Variants in ARHGEF10L observed in about 807,000 individuals in gnomAD.
ARHGEF10L encodes rho guanine nucleotide exchange factor 10-like protein.
Under a neutral mutation model 141.2 loss-of-function variants are expected in ARHGEF10L, and 69 were observed. The observed-to-expected ratio is 0.49, with a 90% CI of 0.40 to 0.60. The LOEUF (loss-of-function observed/expected upper bound fraction) is 0.60, where lower values mean the gene tolerates loss of function less well. Among genes scored for constraint, ARHGEF10L ranks in the 20% least tolerant of loss-of-function variants. The probability of loss-of-function intolerance (pLI) is 0.00; values close to 1 mark genes in which losing one functional copy is unlikely to be tolerated. For synonymous variants in ARHGEF10L, 711 were observed against 718.5 expected (o/e 0.99, Z 0.17); for missense variants, 1,482 against 1,734.3 (o/e 0.85, Z 2.58).
the ARHGEF10L span, among the ~76,000 whole-genome samples, chr1:17,521,448 G>A: frequency 1.6e-4 from 25 of 152,232 alleles, no homozygotes; most frequent in African/African-American, 5.5e-4. Context: ...TGCCCGCCTC[G>A]GCCTCCCAAA....
chr1:17,574,405 G>GTTTA (rs1458083800), intron 1 of ARHGEF10L, among the ~76,000 whole-genome samples: 1 of 152,224 alleles, frequency 6.6e-6, no homozygotes, highest in East Asian at 1.9e-4. Context: ...CTTGGACTTA[G>GTTTA]TTTAGCAGTC....
intron 26 of ARHGEF10L, among the ~76,000 whole-genome samples, chr1:17,670,366 T>C (rs2063245668): frequency 6.6e-6 from 1 of 152,240 alleles, no homozygotes; most frequent in Non-Finnish European, 1.5e-5. Context: ...TGTTAAATAA[T>C]AATGTCGCTC....
At chr1:17,606,460 GT>G (rs1348384549) in intron 6 of ARHGEF10L, among the ~76,000 whole-genome samples, 2 of 151,624 alleles carry the variant, frequency 1.3e-5, no homozygotes, top group Non-Finnish European at 2.9e-5. Context: ...CACCCGGCTA[GT>G]TTTTGTATTT....
chr1:17,687,731 C>G lies in ARHGEF10L; in HGVS notation c.3168C>G (p.Thr1056=), dbSNP rs758019258. ...AAGAGATCAACATCGCCACCAGGAC[C>G]ACCTTCCTCCTGCCAGGTGAGGCTG... The part of the protein sequence containing the change: ...HLQEINIATR[T]TFLLPGQKHL... The change falls in exon 27 of 29, where the codon ACC becomes ACG. Residue 1056 remains threonine (T), a synonymous_variant. Coordinates refer to ENST00000361221, the MANE Select transcript of ARHGEF10L (RefSeq NM_018125.4). 4 of 1,584,702 alleles carry G rather than the reference C, an allele frequency of 2.5e-6. No homozygotes were observed. The highest frequency in any genetic ancestry group is 1.3e-5 in the African/African-American group (1 of 74,154).
chr1:17,554,520 A>G lies in ARHGEF10L; in HGVS notation c.-44+14570A>G, dbSNP rs532147190. 5.9e-5 allele frequency among the ~76,000 whole-genome samples: 9 copies of G among 151,710 alleles called. No homozygotes were observed. In the East Asian group the frequency reaches 1.8e-3, roughly 30 times the overall value. ...CACAGCCCATGATGCCAGACCCAGC[A>G]ATAGAAGGGGATTTTGGGAGGCTGA... On this transcript the variant is annotated intron_variant, in intron 1 of 28. Coordinates refer to ENST00000361221, the MANE Select transcript of ARHGEF10L (RefSeq NM_018125.4).
chr1:17,600,904 G>T (rs2080587218), intron 4 of ARHGEF10L, among the ~76,000 whole-genome samples: 1 of 151,994 alleles, frequency 6.6e-6, no homozygotes, highest in Non-Finnish European at 1.5e-5. Context: ...GCAAAAATTA[G>T]CTGGGTGTGG....
At chr1:17,634,645 G>T (rs1232207046) in intron 17 of ARHGEF10L, 83 bp downstream of exon 17, 1 of 1,561,092 alleles carries the variant, frequency 6.4e-7, no homozygotes, top group Non-Finnish European at 8.7e-7. Context: ...TATGGGGCTG[G>T]GGCCTGGGCG....
rs918209562 is a variant in ARHGEF10L at position 17,697,597 on chromosome 1, A to G, written c.*217A>G. On this transcript the variant is annotated 3_prime_UTR_variant, in exon 29 of 29. Coordinates refer to ENST00000361221, the MANE Select transcript of ARHGEF10L (RefSeq NM_018125.4). The surrounding 1 kb of genome is among the most constrained non-coding windows in gnomAD (Gnocchi z 4.8). ...TTGGGGAGAGGGAGGACACATCTGG[A>G]GGAAATGGCCTTCTTTTTAAAAGCA... 2 of 689,076 alleles carry G rather than the reference A, an allele frequency of 2.9e-6. No homozygotes were observed. Among genetic ancestry groups the G allele is most frequent in the African/African-American group, 3.5e-5 (2 of 56,588 alleles). The allele number at this position is 689,076 out of a possible 1,614,324, so 42.7% of individuals were successfully genotyped here. A position where few individuals can be genotyped will look rare whatever the true frequency, so the allele number is the denominator to read the frequency against.
At chr1:17,525,401 C>T in the ARHGEF10L span, among the ~76,000 whole-genome samples, 2 of 152,192 alleles carry the variant, frequency 1.3e-5, no homozygotes, top group South Asian at 4.1e-4. Flanking sequence ...GCTGCCTCTG[C>T]TCCCCACGCC....
chr1:17,656,062 A>T lies in ARHGEF10L; in HGVS notation c.2665A>T (p.Thr889Ser), dbSNP rs1052155804. The T allele has an allele frequency of 1.3e-6, 2 of 1,563,572 alleles. No homozygotes were observed. The highest frequency in any genetic ancestry group is 1.9e-5 in the Admixed American group (1 of 52,952). Residue 889 changes from threonine (T) to serine (S), a missense_variant, in exon 24 of 29, where the codon ACG becomes TCG. Thr to Ser is a moderately conservative substitution (Grantham distance 58, BLOSUM62 1). Transcript: ENST00000361221. The surrounding 1 kb of genome is among the most constrained non-coding windows in gnomAD (Gnocchi z 4.9). ...CCCGACAGTTGCTGACCCCTCGGCCACGGTGCATCCAACCATCTGCCTCGG... is the reference window on the plus strand; with the variant it reads ...CCCGACAGTTGCTGACCCCTCGGCCTCGGTGCATCCAACCATCTGCCTCGG... ...ESPTVADPSATVHPTICLGLQ... is the reference protein window; with the variant it reads ...ESPTVADPSASVHPTICLGLQ...
chr1:17,543,837 G>A (rs1011293764), intron 1 of ARHGEF10L, among the ~76,000 whole-genome samples: 6 of 151,446 alleles, frequency 4.0e-5, no homozygotes, highest in African/African-American at 7.3e-5. Context: ...TAGTAGAGAC[G>A]GGGTTTTACC....
At chr1:17,531,263 C>T in the ARHGEF10L span, among the ~76,000 whole-genome samples, 1 of 152,124 alleles carries the variant, frequency 6.6e-6, no homozygotes, top group African/African-American at 2.4e-5. Context: ...GGGCTCCGGG[C>T]CTCTTTCACG....
chr1:17,634,734 T>C lies in ARHGEF10L; in HGVS notation c.1746-101T>C, dbSNP rs2060899446. On this transcript the variant is annotated intron_variant, in intron 17 of 28. Transcript: ENST00000361221. Reference sequence around the variant, plus strand: ...TCTGAGGTCTTGCGCTGGGGCTGCGTGAAGCCTGGCTGAGCTGGTGTGGAG... The same window carrying C: ...TCTGAGGTCTTGCGCTGGGGCTGCGCGAAGCCTGGCTGAGCTGGTGTGGAG... 8 of 1,464,446 alleles carry C rather than the reference T, an allele frequency of 5.5e-6. No homozygotes were observed. In the South Asian group the frequency reaches 1.1e-4, roughly 20 times the overall value. The allele number at this position is 1,464,446 out of a possible 1,614,324, so 90.7% of individuals were successfully genotyped here. A position where few individuals can be genotyped will look rare whatever the true frequency, so the allele number is the denominator to read the frequency against.
intron 4 of ARHGEF10L, among the ~76,000 whole-genome samples, chr1:17,598,020 G>A (rs535035842): frequency 2.0e-5 from 3 of 152,244 alleles, no homozygotes; most frequent in Admixed American, 6.5e-5. Flanking sequence ...TGGGTGTTAC[G>A]CTTTCTCTTG....
chr1:17,597,474 C>T lies in ARHGEF10L; in HGVS notation c.258-4653C>T, dbSNP rs1176095129. 5.3e-5 allele frequency among the ~76,000 whole-genome samples: 8 copies of T among 152,152 alleles called. No individual in the cohort carries two copies. In the East Asian group the frequency reaches 7.7e-4, roughly 15 times the overall value. ...AGGGGCCCCCAGCCTCATTTCTTGC[C>T]GTGCCCTCTTTGCATGCGTGTCTTG... is the stretch of plus-strand genomic sequence containing the variant. On this transcript the variant is annotated intron_variant, in intron 4 of 28. Coordinates refer to ENST00000361221, the MANE Select transcript of ARHGEF10L (RefSeq NM_018125.4).
At chr1:17,608,233 C>A (rs1031163359) in intron 7 of ARHGEF10L, among the ~76,000 whole-genome samples, 1 of 152,232 alleles carries the variant, frequency 6.6e-6, no homozygotes, top group Non-Finnish European at 1.5e-5. Context: ...GTGCTCCCCC[C>A]ACCCCCTTGC....
intron 4 of ARHGEF10L, among the ~76,000 whole-genome samples, chr1:17,590,049 TC>T (rs2079397725): frequency 6.6e-6 from 1 of 152,050 alleles, no homozygotes; most frequent in South Asian, 2.1e-4. Context: ...CACACTCACT[TC>T]CTTCAAGCTA....
chr1:17,589,444 G>A (rs1041381668), intron 4 of ARHGEF10L, among the ~76,000 whole-genome samples: 4 of 152,218 alleles, frequency 2.6e-5, no homozygotes, highest in Admixed American at 2.0e-4. Context: ...GGGGAGGCAT[G>A]TCTGAGCCCT....
intron 21 of ARHGEF10L, 97 bp from the exon 22 acceptor site, chr1:17,648,457 G>A: frequency 6.7e-7 from 1 of 1,494,246 alleles, no homozygotes; most frequent in Non-Finnish European, 9.1e-7. Flanking sequence ...AGGCTTCTGG[G>A]GCCTGCAGTG....
Sources: allele counts gnomAD v4.1 joint callset (sites outside exome capture counted in the v4.1 genomes callset), GRCh38; gene constraint gnomAD v4.1.1; non-coding constraint Gnocchi (gnomAD v3.1); transcripts MANE v1.5; gene names NCBI Gene and HGNC (gene_info 2026-07-23, HGNC 2026-07-21).